SDK1: variants seen among roughly 807,000 people sequenced by gnomAD.
SDK1 encodes sidekick cell adhesion molecule 1, also known as protein sidekick-1.
In SDK1, 157 loss-of-function variants were observed where a neutral mutation model predicts 245.5. That is an observed-to-expected ratio of 0.64 (90% CI 0.56 to 0.73). The LOEUF is 0.73. SDK1 is among the 30% of genes least tolerant of loss of function. The probability of loss-of-function intolerance (pLI) is 0.00; values close to 1 mark genes in which losing one functional copy is unlikely to be tolerated. For missense variants in SDK1, 3,583 were observed against 3,002.3 expected, an observed-to-expected ratio of 1.19 and a Z score of -4.52; for synonymous variants, 1,647 against 1,278.5, an observed-to-expected ratio of 1.29 and a Z score of -6.15.
chr7:3,898,543 A>G (rs1288865803), intron 5 of SDK1, among the ~76,000 whole-genome samples: 1 of 152,158 alleles, frequency 6.6e-6, no homozygotes, highest in East Asian at 1.9e-4. Context: ...GACTCGGTAC[A>G]TTGCAAATAT....
At chr7:3,317,102 G>A (rs1345420304) in intron 1 of SDK1, among the ~76,000 whole-genome samples, 2 of 145,096 alleles carry the variant, frequency 1.4e-5, no homozygotes. Context: ...AATCACTTGA[G>A]CCTGGGAGGT....
chr7:3,351,366 C>T (rs968070285), intron 1 of SDK1, among the ~76,000 whole-genome samples: 1 of 151,952 alleles, frequency 6.6e-6, no homozygotes, highest in Non-Finnish European at 1.5e-5. Context: ...GAAAATGGAC[C>T]TTAACACCAC....
At chr7:4,238,884 C>G (rs527598573) in intron 42 of SDK1, among the ~76,000 whole-genome samples, 1 of 152,084 alleles carries the variant, frequency 6.6e-6, no homozygotes, top group Non-Finnish European at 1.5e-5. Flanking sequence ...AAGTATAGAG[C>G]ATTAAACAGG....
chr7:3,787,480 AAAG>A (rs759257576), intron 4 of SDK1, among the ~76,000 whole-genome samples: 5 of 152,156 alleles, frequency 3.3e-5, no homozygotes, highest in Non-Finnish European at 7.3e-5. Context: ...ACCTGTGTAA[AAAG>A]AGGTAAATAC....
intron 1 of SDK1, among the ~76,000 whole-genome samples, chr7:3,537,489 G>T (rs1343149280): frequency 6.6e-6 from 1 of 152,140 alleles, no homozygotes; most frequent in African/African-American, 2.4e-5. Flanking sequence ...AAATCACTTT[G>T]TCACTCTAAG....
chr7:3,634,384 G>A (rs1382126591), intron 2 of SDK1, among the ~76,000 whole-genome samples: 1 of 152,154 alleles, frequency 6.6e-6, no homozygotes, highest in African/African-American at 2.4e-5. Context: ...TCTCCTATTA[G>A]CAGAAATGGA....
rs369413692 is a variant in SDK1, at chr7:3,869,071, C to T, written c.847+47488C>T. Among the ~76,000 whole-genome samples, 15 of 151,064 alleles carry T rather than the reference C, an allele frequency of 9.9e-5. No homozygotes were observed. In the South Asian group the frequency reaches 2.3e-3, roughly 23 times the overall value. On this transcript the variant is annotated intron_variant, in intron 5 of 44. Transcript: ENST00000404826. ...TGGGAGATTGTACTGGGCTGCAAAG[C>T]GTTGTCAATTGAAGATTTTTTTTTC...
At chr7:4,196,327 G>T (rs1783574270) in intron 35 of SDK1, among the ~76,000 whole-genome samples, 1 of 152,130 alleles carries the variant, frequency 6.6e-6, no homozygotes, top group African/African-American at 2.4e-5. Context: ...CTCCGGGCTG[G>T]GTCCCCACAC....
At chr7:3,755,389 C>G (rs528884471) in intron 4 of SDK1, among the ~76,000 whole-genome samples, 4 of 152,128 alleles carry the variant, frequency 2.6e-5, no homozygotes, top group African/African-American at 7.2e-5. Context: ...GGGTTTCTCA[C>G]GCGGGTGGGA....
At chr7:4,139,205 C>T (rs1172207841) in intron 28 of SDK1, among the ~76,000 whole-genome samples, 1 of 151,896 alleles carries the variant, frequency 6.6e-6, no homozygotes, top group Non-Finnish European at 1.5e-5. Context: ...CCTGGAGTGA[C>T]CTCCCAAATC....
In SDK1 at chr7:4,026,409, G is replaced by A. The variant is rs1029770852; in HGVS notation, c.2602+9057G>A. Among the ~76,000 whole-genome samples the A allele has an allele frequency of 1.3e-5, 2 of 152,204 alleles. No homozygotes were observed. The highest frequency in any genetic ancestry group is 2.9e-5 in the Non-Finnish European group (2 of 68,036). On this transcript the variant is annotated intron_variant, in intron 17 of 44. Transcript: ENST00000404826. This position sits in a 1 kb window ranked among gnomAD's most constrained non-coding sequence, Gnocchi z 4.1. Reference sequence around the variant, plus strand: ...GAATGAAACTGGTATTTTGTGAATAGAAATAACATCTTGTTCCTAACTGAC... The same window carrying A: ...GAATGAAACTGGTATTTTGTGAATAAAAATAACATCTTGTTCCTAACTGAC...
chr7:3,343,401 A>T (rs1210332571), intron 1 of SDK1, among the ~76,000 whole-genome samples: 1 of 152,198 alleles, frequency 6.6e-6, no homozygotes, highest in East Asian at 1.9e-4. Context: ...AGCCTATTCT[A>T]AAAGGTTATA....
chr7:3,932,548 G>A (rs1780013742), intron 5 of SDK1, among the ~76,000 whole-genome samples: 3 of 152,176 alleles, frequency 2.0e-5, no homozygotes, highest in South Asian at 4.1e-4. Flanking sequence ...GGAAGCTGGG[G>A]CAGACGGGAA....
At chr7:4,068,487 G>T (rs1404974284) in intron 20 of SDK1, among the ~76,000 whole-genome samples, 1 of 151,968 alleles carries the variant, frequency 6.6e-6, no homozygotes, top group Non-Finnish European at 1.5e-5. Flanking sequence ...GAGCCGCAAG[G>T]GTGAGATCTG....
At chr7:3,858,792 G>A (rs1461775883) in intron 5 of SDK1, among the ~76,000 whole-genome samples, 2 of 150,754 alleles carry the variant, frequency 1.3e-5, no homozygotes, top group Middle Eastern at 3.2e-3. Context: ...ATGAGCAATA[G>A]TGTTGTTTTT....
intron 1 of SDK1, among the ~76,000 whole-genome samples, chr7:3,452,699 A>G (rs1780552686): frequency 6.6e-6 from 1 of 152,144 alleles, no homozygotes; most frequent in African/African-American, 2.4e-5. Context: ...TTTAGAATTC[A>G]AGGAAATATA....
intron 4 of SDK1, among the ~76,000 whole-genome samples, chr7:3,722,313 C>T (rs532827001): frequency 6.6e-6 from 1 of 152,178 alleles, no homozygotes; most frequent in Non-Finnish European, 1.5e-5. Flanking sequence ...GCCCCAAGAA[C>T]AGTCGAAGAG....
intron 2 of SDK1, among the ~76,000 whole-genome samples, chr7:3,629,715 A>G (rs1486015689): frequency 6.6e-6 from 1 of 152,232 alleles, no homozygotes; most frequent in African/African-American, 2.4e-5. Flanking sequence ...ATGAATATTT[A>G]TAGGAATGCA....
chr7:3,943,050 C>A (rs1780427440), intron 5 of SDK1, among the ~76,000 whole-genome samples: 2 of 152,190 alleles, frequency 1.3e-5, no homozygotes, highest in African/African-American at 4.8e-5. Flanking sequence ...GCGAAAGTTT[C>A]AAGAGGCGTA....
Sources: allele counts gnomAD v4.1 joint callset (sites outside exome capture counted in the v4.1 genomes callset), GRCh38; gene constraint gnomAD v4.1.1; non-coding constraint Gnocchi (gnomAD v3.1); transcripts MANE v1.5; gene names NCBI Gene and HGNC (gene_info 2026-07-23, HGNC 2026-07-21).